Variants in CMTR1 observed in about 807,000 individuals in gnomAD.
The protein encoded by CMTR1 is cap-specific mRNA (nucleoside-2'-O-)-methyltransferase 1.
Under a neutral mutation model 107.0 loss-of-function variants are expected in CMTR1, and 39 were observed. The ratio of observed to expected loss-of-function variants is 0.36; its 90% CI spans 0.28 to 0.48. The LOEUF (loss-of-function observed/expected upper bound fraction) is 0.48, where lower values mean the gene tolerates loss of function less well. Among genes scored for constraint, CMTR1 ranks in the 20% least tolerant of loss-of-function variants. The probability of loss-of-function intolerance (pLI) is 0.99; values close to 1 mark genes in which losing one functional copy is unlikely to be tolerated. For synonymous variants in CMTR1, 366 were observed against 379.5 expected, an observed-to-expected ratio of 0.96 and a Z score of 0.41; for missense variants, 672 against 1,064.9, an observed-to-expected ratio of 0.63 and a Z score of 5.14.
chr6:37,460,897 C>G (rs1453180622), intron 10 of CMTR1, among the ~76,000 whole-genome samples: 4 of 152,162 alleles, frequency 2.6e-5, no homozygotes, highest in African/African-American at 7.2e-5. Flanking sequence ...AAGCCTGACT[C>G]TGTCTCCTGC....
intron 17 of CMTR1, among the ~76,000 whole-genome samples, chr6:37,473,890 G>A (rs1174475777): frequency 6.6e-6 from 1 of 152,200 alleles, no homozygotes; most frequent in African/African-American, 2.4e-5. Flanking sequence ...GTGGTCAGCA[G>A]GCTTATCTGG....
intron 5 of CMTR1, among the ~76,000 whole-genome samples, chr6:37,450,867 A>T (rs1761138643): frequency 1.3e-5 from 2 of 152,198 alleles, no homozygotes; most frequent in Admixed American, 6.5e-5. Flanking sequence ...TTTCATAATG[A>T]TATTGAAAAG....
chr6:37,455,203 G>T (rs1761265944), intron 8 of CMTR1, among the ~76,000 whole-genome samples: 1 of 151,992 alleles, frequency 6.6e-6, no homozygotes, highest in Admixed American at 6.6e-5. Flanking sequence ...TCCTGCCTCA[G>T]CCTCCCAAGT....
At chr6:37,435,526 A>C in intron 1 of CMTR1, 98 bp from the exon 2 acceptor site, 1 of 1,380,956 alleles carries the variant, frequency 7.2e-7, no homozygotes, top group East Asian at 2.6e-5. Flanking sequence ...TAGAATTGCC[A>C]AATCTCATCC....
chr6:37,477,662 C>T, intron 21 of CMTR1, 23 bp downstream of exon 21: 1 of 1,600,386 alleles, frequency 6.2e-7, no homozygotes, highest in Admixed American at 1.7e-5. Flanking sequence ...ACCGGTGAAG[C>T]TCAGATTCAA....
Position 37,472,285 on chromosome 6 carries a change from T to A in CMTR1, c.1621-134T>A, listed in dbSNP as rs1761643940. On this transcript the variant is annotated intron_variant, in intron 15 of 23. Transcript: ENST00000373451. The surrounding 1 kb of genome is among the most constrained non-coding windows in gnomAD (Gnocchi z 4.1). ...AGTGAATTATCCACCTCCATCCCTG[T>A]CAGCCTAGCCTCCTTTGTTGTGTGC... The A allele has an allele frequency of 9.0e-6, 7 of 774,894 alleles. No homozygotes were observed. In the South Asian group the frequency reaches 1.1e-4, roughly 12 times the overall value. 48.0% of individuals were successfully genotyped at this position (774,894 alleles called of 1,614,324 possible).
chr6:37,442,563 G>T (rs570957276), intron 2 of CMTR1, among the ~76,000 whole-genome samples: 1 of 152,330 alleles, frequency 6.6e-6, no homozygotes, highest in South Asian at 2.1e-4. Context: ...GTCCAATGGG[G>T]ACAGCAAGTG....
In CMTR1 at chr6:37,472,519, GT is replaced by G. The variant is rs1260019426; in HGVS notation, c.1689+34del. ...CTGGTATCTGTGGTGGACATAAAAA[GT>G]TAGAGATCTGTCTCTAGATGTGGAT... On this transcript the variant is annotated intron_variant, in intron 16 of 23. Transcript: ENST00000373451. The surrounding 1 kb of genome is among the most constrained non-coding windows in gnomAD (Gnocchi z 4.1). 2 of 1,601,884 alleles carry G rather than the reference GT, an allele frequency of 1.2e-6. No homozygotes were observed. Among genetic ancestry groups the G allele is most frequent in the Non-Finnish European group, 1.7e-6 (2 of 1,168,992 alleles).
intron 18 of CMTR1, 50 bp downstream of exon 18, chr6:37,474,696 G>T (rs1460909102): frequency 6.2e-7 from 1 of 1,603,868 alleles, no homozygotes; most frequent in Non-Finnish European, 8.5e-7. Flanking sequence ...GGGGACTAGG[G>T]GGCTGCTGAA....
At chr6:37,426,101 T>C in the CMTR1 span, among the ~76,000 whole-genome samples, 1 of 152,330 alleles carries the variant, frequency 6.6e-6, no homozygotes, top group South Asian at 2.1e-4. Context: ...TTGATTATTG[T>C]ACTTTTCAGC....
chr6:37,470,323 T>C (rs1458036577), intron 13 of CMTR1, among the ~76,000 whole-genome samples: 1 of 152,102 alleles, frequency 6.6e-6, no homozygotes, highest in Non-Finnish European at 1.5e-5. Context: ...ATTTTTTGTA[T>C]TTTTAGTAGA....
intron 13 of CMTR1, among the ~76,000 whole-genome samples, chr6:37,466,206 G>A (rs376592707): frequency 2.1e-5 from 3 of 145,568 alleles, no homozygotes; most frequent in East Asian, 2.1e-4. Context: ...TCTGCCTCCC[G>A]GGTTCAAGCA....
intron 2 of CMTR1, among the ~76,000 whole-genome samples, chr6:37,443,201 C>A (rs75770488): frequency 0.016 from 2,364 of 152,164 alleles, 57 homozygotes; most frequent in African/African-American, 0.054. Context: ...GCTCTTTTTG[C>A]AATTATAAGA....
intron 13 of CMTR1, among the ~76,000 whole-genome samples, chr6:37,464,746 C>G (rs534500114): frequency 6.6e-6 from 1 of 151,840 alleles, no homozygotes; most frequent in Non-Finnish European, 1.5e-5. Context: ...GGGGCTGTTA[C>G]GAATAAAGCT....
chr6:37,469,152 AAAAAC>A (rs1761572210), intron 13 of CMTR1, among the ~76,000 whole-genome samples: 2 of 152,128 alleles, frequency 1.3e-5, no homozygotes, highest in South Asian at 4.1e-4. Flanking sequence ...AACAAAAACA[AAAAAC>A]AAAACAAAAA....
At chr6:37,463,109 C>A in intron 13 of CMTR1, 101 bp downstream of exon 13, 1 of 1,267,480 alleles carries the variant, frequency 7.9e-7, no homozygotes, top group Non-Finnish European at 1.1e-6. Flanking sequence ...TTTGTCAACC[C>A]TGACAAATTG....
rs1432590226 is a variant in CMTR1 at position 37,472,897 on chromosome 6, T to G, written c.1689+410T>G. 1.3e-5 allele frequency among the ~76,000 whole-genome samples: 2 copies of G among 152,088 alleles called. No homozygotes were observed. Among genetic ancestry groups the G allele is most frequent in the Non-Finnish European group, 2.9e-5 (2 of 68,016 alleles). On this transcript the variant is annotated intron_variant, in intron 16 of 23. Transcript: ENST00000373451. The surrounding 1 kb of genome is among the most constrained non-coding windows in gnomAD (Gnocchi z 4.1). ...GCAGCAGGGTTGGCCTAACCCCAGG[T>G]TCTTTGTCTTATTTCTGGTGAGCTG...
chr6:37,428,530 T>C (rs1771324283), upstream of CMTR1, among the ~76,000 whole-genome samples: 1 of 152,190 alleles, frequency 6.6e-6, no homozygotes, highest in African/African-American at 2.4e-5. Context: ...TGATCTCTGC[T>C]TACTCCAACC....
intron 4 of CMTR1, 131 bp downstream of exon 4, chr6:37,446,580 G>A (rs1377910389): frequency 3.9e-6 from 4 of 1,029,208 alleles, no homozygotes; most frequent in Non-Finnish European, 5.6e-6. Context: ...TTTTTACGTG[G>A]AAAGTACTGG....
Sources: allele counts gnomAD v4.1 joint callset (sites outside exome capture counted in the v4.1 genomes callset), GRCh38; gene constraint gnomAD v4.1.1; non-coding constraint Gnocchi (gnomAD v3.1); transcripts MANE v1.5; gene names NCBI Gene and HGNC (gene_info 2026-07-23, HGNC 2026-07-21).